The following TSPAN14 variants were observed in gnomAD, a reference collection of about 807,000 sequenced individuals.
TSPAN14 encodes tetraspanin-14.
A neutral mutation model predicts 36.6 loss-of-function variants in TSPAN14; 16 were observed. The ratio of observed to expected loss-of-function variants is 0.44; its 90% CI spans 0.30 to 0.66. TSPAN14 has a LOEUF of 0.66. Among genes scored for constraint, TSPAN14 ranks in the 30% least tolerant of loss-of-function variants. TSPAN14 has a pLI of 0.12. For synonymous variants in TSPAN14, 139 were observed against 143.8 expected, an observed-to-expected ratio of 0.97 and a Z score of 0.24; for missense variants, 231 against 355.1, an observed-to-expected ratio of 0.65 and a Z score of 2.81.
intron 1 of TSPAN14, among the ~76,000 whole-genome samples, chr10:80,467,733 A>C (rs1009597683): frequency 2.0e-5 from 3 of 152,136 alleles, no homozygotes; most frequent in Admixed American, 6.5e-5. Context: ...AGATGCCTGT[A>C]GTTTTCAAGT....
At chr10:80,458,466 C>T (rs1434008114) in intron 1 of TSPAN14, among the ~76,000 whole-genome samples, 1 of 152,176 alleles carries the variant, frequency 6.6e-6, no homozygotes, top group Non-Finnish European at 1.5e-5. Flanking sequence ...GGTGGTGAGG[C>T]CTCAGGTTCT....
At chr10:80,484,315 C>A (rs1182677990) in intron 1 of TSPAN14, among the ~76,000 whole-genome samples, 1 of 151,656 alleles carries the variant, frequency 6.6e-6, no homozygotes, top group Non-Finnish European at 1.5e-5. Flanking sequence ...GAAAATTTTT[C>A]CTTTTTTTTA....
chr10:80,485,922 C>G (rs780049792), intron 1 of TSPAN14, among the ~76,000 whole-genome samples: 1 of 152,196 alleles, frequency 6.6e-6, no homozygotes, highest in African/African-American at 2.4e-5. Flanking sequence ...TGGCATAATA[C>G]TGGCGGTGCA....
chr10:80,495,964 C>G (rs1270107878), intron 2 of TSPAN14, among the ~76,000 whole-genome samples: 2 of 152,114 alleles, frequency 1.3e-5, no homozygotes, highest in Admixed American at 1.3e-4. Context: ...GTTGTTCTGC[C>G]TCCTGTTGCT....
intron 1 of TSPAN14, among the ~76,000 whole-genome samples, chr10:80,473,075 T>C (rs934149645): frequency 6.6e-6 from 1 of 152,186 alleles, no homozygotes; most frequent in Non-Finnish European, 1.5e-5. Context: ...CCTGCTTCCA[T>C]GTTGGGTTTC....
chr10:80,516,077 C>T, intron 7 of TSPAN14, 127 bp from the exon 8 acceptor site: 2 of 1,455,250 alleles, frequency 1.4e-6, no homozygotes, highest in Non-Finnish European at 1.9e-6. Context: ...GAGAGTCCTC[C>T]TTGCCTGCCT....
intron 1 of TSPAN14, chr10:80,459,581 A>G (rs1845879129): frequency 6.5e-6 from 1 of 152,940 alleles, no homozygotes; most frequent in African/African-American, 2.4e-5. Flanking sequence ...GCTGTCCTGC[A>G]TGGGTAAGGT....
At chr10:80,474,528 G>A (rs1051001130) in intron 1 of TSPAN14, among the ~76,000 whole-genome samples, 1 of 152,012 alleles carries the variant, frequency 6.6e-6, no homozygotes, top group Non-Finnish European at 1.5e-5. Flanking sequence ...GAGTGTCTGG[G>A]TGGGTGAAGG....
At chr10:80,465,602 T>A (rs1431481386) in intron 1 of TSPAN14, among the ~76,000 whole-genome samples, 1 of 152,112 alleles carries the variant, frequency 6.6e-6, no homozygotes, top group African/African-American at 2.4e-5. Context: ...TCTTACTGGA[T>A]CAGAAAGATA....
chr10:80,479,576 C>T (rs1484354465), intron 1 of TSPAN14, among the ~76,000 whole-genome samples: 1 of 152,142 alleles, frequency 6.6e-6, no homozygotes, highest in African/African-American at 2.4e-5. Flanking sequence ...TTGTTTTTCT[C>T]AGGTTTGTCA....
intron 1 of TSPAN14, among the ~76,000 whole-genome samples, chr10:80,475,890 A>G (rs999866995): frequency 1.3e-5 from 2 of 151,966 alleles, no homozygotes; most frequent in Non-Finnish European, 2.9e-5. Flanking sequence ...CGGCCTCCCC[A>G]TCCTTTTTAT....
chr10:80,517,044 G>C (rs1022695214), intron 8 of TSPAN14, among the ~76,000 whole-genome samples: 1 of 152,208 alleles, frequency 6.6e-6, no homozygotes, highest in Non-Finnish European at 1.5e-5. Flanking sequence ...TTCCAGTGCT[G>C]TTCAGGGCTT....
intron 5 of TSPAN14, among the ~76,000 whole-genome samples, chr10:80,511,509 T>C (rs1251485956): frequency 6.6e-6 from 1 of 151,852 alleles, no homozygotes; most frequent in Non-Finnish European, 1.5e-5. Flanking sequence ...GAAGGAGGCG[T>C]CTCCTTTGAG....
chr10:80,511,771 T>TCTCC (rs1564745338), intron 5 of TSPAN14, among the ~76,000 whole-genome samples: 1 of 123,266 alleles, frequency 8.1e-6, no homozygotes, highest in South Asian at 2.8e-4. Context: ...TCTCTCTCTC[T>TCTCC]CCCCTTTTTT....
chr10:80,485,379 G>A (rs777477511), intron 1 of TSPAN14, among the ~76,000 whole-genome samples: 4 of 152,190 alleles, frequency 2.6e-5, no homozygotes, highest in Non-Finnish European at 4.4e-5. Context: ...CAGCACTACT[G>A]CCTTTATCAG....
chr10:80,490,422 C>G (rs1158088973), intron 2 of TSPAN14, among the ~76,000 whole-genome samples: 1 of 152,110 alleles, frequency 6.6e-6, no homozygotes, highest in African/African-American at 2.4e-5. Flanking sequence ...GGAAGAAAAC[C>G]CACTCCCAAG....
chr10:80,462,960 C>G (rs538261585), intron 1 of TSPAN14: 58 of 152,324 alleles, frequency 3.8e-4, no homozygotes, highest in African/African-American at 1.3e-3. Context: ...CCTGCATCGC[C>G]TACATTGCCT....
intron 2 of TSPAN14, among the ~76,000 whole-genome samples, chr10:80,498,921 C>T (rs983662890): frequency 6.6e-6 from 1 of 152,256 alleles, no homozygotes; most frequent in Admixed American, 6.5e-5. Flanking sequence ...CGGCTTTGTT[C>T]AGGGGAAGAG....
intron 1 of TSPAN14, chr10:80,485,781 G>C: frequency 1.4e-6 from 1 of 729,634 alleles, no homozygotes; most frequent in South Asian, 6.2e-5. Flanking sequence ...AAACTGAAAT[G>C]TTTCTTTTCA....
Sources: allele counts gnomAD v4.1 joint callset (sites outside exome capture counted in the v4.1 genomes callset), GRCh38; gene constraint gnomAD v4.1.1; transcripts MANE v1.5; gene names NCBI Gene and HGNC (gene_info 2026-07-23, HGNC 2026-07-21).